Variants in SART3 observed in about 807,000 individuals in gnomAD.
The protein encoded by SART3 is HIV-1 Tat-interacting protein of 110kDa.
A neutral mutation model predicts 122.3 loss-of-function variants in SART3; 44 were observed. The observed-to-expected ratio is 0.36, with a 90% CI of 0.28 to 0.46. SART3 has a LOEUF of 0.46. SART3 is among the 20% of genes least tolerant of loss of function. The pLI is 1.00. For synonymous variants in SART3, 442 were observed against 454.0 expected (o/e 0.97, Z 0.34); for missense variants, 1,101 against 1,229.0 (o/e 0.90, Z 1.56).
At chr12:108,531,901 TGTG>T (rs1872694925) in intron 13 of SART3, 2 of 370,014 alleles carry the variant, frequency 5.4e-6, no homozygotes, top group Non-Finnish European at 1.0e-5. Flanking sequence ...CATGTTTGGT[TGTG>T]GTGGTGAAGC....
At chr12:108,551,611 A>C (rs2030013436) in intron 1 of SART3, among the ~76,000 whole-genome samples, 1 of 152,198 alleles carries the variant, frequency 6.6e-6, no homozygotes, top group African/African-American at 2.4e-5. Context: ...AACGAACATG[A>C]CCTAATTTAT....
Position 108,523,534 on chromosome 12 carries a change from C to G in SART3, c.2815G>C (p.Ala939Pro). The change falls in exon 19 of 19, where the codon GCA becomes CCA. Residue 939 changes from alanine to proline, a missense_variant. Ala to Pro is a conservative substitution (Grantham distance 27). This residue lies in a region of SART3 where 885 missense variants were observed against 1,080.1 expected (regional missense o/e 0.82). Transcript: ENST00000546815. ...TCGGTGGCTGCTGGGGCGGCAACTG[C>G]AGGAGCCGCGGCAGGGCCGTTCTCA... Reference protein sequence around the residue: ...QAENGPAAAPAVAAPAATEAP... With the variant: ...QAENGPAAAPPVAAPAATEAP... 1 of 1,613,826 alleles carries G rather than the reference C, an allele frequency of 6.2e-7. No individual in the cohort carries two copies.
chr12:108,535,513 G>A lies in SART3; in HGVS notation c.1447-45C>T, dbSNP rs372546183. On this transcript the variant is annotated intron_variant, in intron 11 of 18. Coordinates refer to ENST00000546815, the MANE Select transcript of SART3 (RefSeq NM_014706.4). ...TGTTAGGAGACCTGAACCTTATGACGTCGACACCCATCATACAACACACTT... is the reference window on the plus strand; with the variant it reads ...TGTTAGGAGACCTGAACCTTATGACATCGACACCCATCATACAACACACTT... 3.5e-5 allele frequency: 51 copies of A among 1,448,426 alleles called. No individual in the cohort carries two copies. The African/African-American group carries it at 3.6e-4, about 10-fold the overall frequency. The allele number at this position is 1,448,426 out of a possible 1,614,324, so 89.7% of individuals were successfully genotyped here.
intron 1 of SART3, among the ~76,000 whole-genome samples, chr12:108,555,200 TTA>T (rs1247862480): frequency 6.6e-6 from 1 of 152,238 alleles, no homozygotes; most frequent in Admixed American, 6.5e-5. Context: ...AAAGTTTACG[TTA>T]TATGTTTTTT....
intron 1 of SART3, among the ~76,000 whole-genome samples, chr12:108,559,381 G>A (rs2030371062): frequency 6.6e-6 from 1 of 152,096 alleles, no homozygotes; most frequent in Non-Finnish European, 1.5e-5. Context: ...AAAAGAGAAT[G>A]CGGGCCGGGC....
At chr12:108,546,707 A>G (rs1248945498) in intron 3 of SART3, among the ~76,000 whole-genome samples, 1 of 151,598 alleles carries the variant, frequency 6.6e-6, no homozygotes, top group African/African-American at 2.4e-5. Flanking sequence ...TTTAGTGGAG[A>G]TGGGGTTTTC....
At chr12:108,536,107 ATC>A (rs1872891748) in intron 11 of SART3, among the ~76,000 whole-genome samples, 1 of 152,360 alleles carries the variant, frequency 6.6e-6, no homozygotes, top group Non-Finnish European at 1.5e-5. Flanking sequence ...TTGTCAAATC[ATC>A]TGTCTTCTAC....
intron 1 of SART3, among the ~76,000 whole-genome samples, chr12:108,557,596 A>G (rs527788777): frequency 4.6e-5 from 7 of 152,178 alleles, no homozygotes; most frequent in Non-Finnish European, 5.9e-5. Context: ...CATGCCCCAC[A>G]ACAGTCCCAT....
At position 108,560,993 on chromosome 12, in the gene SART3, C is replaced by A; in HGVS notation, c.162G>T (p.Ala54=). Residue 54 remains alanine (A), a synonymous_variant, in exon 1 of 19, where the codon GCG becomes GCT. Transcript: ENST00000546815. The stretch of plus-strand genomic sequence containing the variant: ...TCACGCCTTCCTCCTGCTGATCCCA[C>A]GCTGGCCCCATGGTCTTGTATGTCG... ...AAATYKTMGP[A]WDQQEEGVSE... is the part of the protein sequence containing the mutation. 1 of 1,614,206 alleles carries A rather than the reference C, an allele frequency of 6.2e-7. No homozygotes were observed. Among genetic ancestry groups the A allele is most frequent in the Non-Finnish European group, 8.5e-7 (1 of 1,180,028 alleles).
intron 1 of SART3, among the ~76,000 whole-genome samples, chr12:108,549,649 A>C (rs1212050750): frequency 1.3e-5 from 2 of 152,238 alleles, no homozygotes; most frequent in African/African-American, 4.8e-5. Context: ...AAACTAAAAA[A>C]TAAAAAGGTA....
intron 7 of SART3, 121 bp from the exon 8 acceptor site, chr12:108,538,324 G>A (rs7978765): frequency 0.82 from 950,935 of 1,159,694 alleles, 394,698 homozygotes; most frequent in East Asian, 0.93. Context: ...CTTGTGACCT[G>A]GTTTCCTCAA....
At chr12:108,525,736 T>C (rs1872343577) in intron 16 of SART3, 127 bp from the exon 17 acceptor site, 2 of 983,646 alleles carry the variant, frequency 2.0e-6, no homozygotes, top group African/African-American at 3.1e-5. Flanking sequence ...AGCCATGCTC[T>C]GAAACTTGTT....
Position 108,531,292 on chromosome 12 carries a change from GA to G in SART3, c.1670-13del, listed in dbSNP as rs762809031. 1.2e-6 allele frequency: 2 copies of G among 1,609,092 alleles called. No individual in the cohort carries two copies. The highest frequency in any genetic ancestry group is 8.5e-7 in the Non-Finnish European group (1 of 1,175,582). On this transcript the variant is annotated splice_polypyrimidine_tract_variant and intron_variant, in intron 13 of 18. Coordinates refer to ENST00000546815, the MANE Select transcript of SART3 (RefSeq NM_014706.4). ...ATCTTCTAAAGAACCTTGAAAGAAA[GA>G]GAAGCAAAACTTTCACTCTTTAGGA...
At position 108,545,319 on chromosome 12, in the gene SART3, A is replaced by G. The variant is rs759403504; in HGVS notation, c.549T>C (p.Pro183=). The part of the protein sequence containing the change: ...FEKAVKDYIC[P]NIWLEYGQYS... ...ACTGGCCATACTCTAGCCAAATGTT[A>G]GGACCTAAAAATAAGAAGTGTTCAA... The change falls in exon 4 of 19, where the codon CCT becomes CCC. Residue 183 remains proline (P), a synonymous_variant. Transcript: ENST00000546815. The G allele has an allele frequency of 6.2e-7, 1 of 1,614,174 alleles. No individual in the cohort carries two copies. Among genetic ancestry groups the G allele is most frequent in the Non-Finnish European group, 8.5e-7 (1 of 1,179,968 alleles).
rs187532263 is a variant in SART3, at chr12:108,522,384, C to T, written c.*1073G>A. On this transcript the variant is annotated 3_prime_UTR_variant, in exon 19 of 19. Transcript: ENST00000546815. Reference sequence around the variant, plus strand: ...CACGACATATACAAGGATTCCCTGACGTCTTTCTCCAGAGTGTCTTAATAA... The same window carrying T: ...CACGACATATACAAGGATTCCCTGATGTCTTTCTCCAGAGTGTCTTAATAA... Among the ~76,000 whole-genome samples the T allele has an allele frequency of 1.3e-5, 2 of 152,346 alleles. No individual in the cohort carries two copies. The highest frequency in any genetic ancestry group is 1.9e-4 in the East Asian group (1 of 5,192).
At chr12:108,524,272 C>A in intron 18 of SART3, 44 bp downstream of exon 18, 1 of 1,538,378 alleles carries the variant, frequency 6.5e-7, no homozygotes, top group South Asian at 1.1e-5. Flanking sequence ...GAACTGGTGC[C>A]AGCCAGGACG....
chr12:108,552,499 T>A (rs1592775055), intron 1 of SART3, among the ~76,000 whole-genome samples: 4 of 138,110 alleles, frequency 2.9e-5, no homozygotes, highest in Admixed American at 7.1e-5. Context: ...CCAAAAATAG[T>A]GAACTGAGCA....
At chr12:108,533,511 TG>T (rs1872776310) in intron 12 of SART3, among the ~76,000 whole-genome samples, 1 of 152,112 alleles carries the variant, frequency 6.6e-6, no homozygotes, top group Non-Finnish European at 1.5e-5. Flanking sequence ...TACTCAGACC[TG>T]GGTATTTGGC....
intron 15 of SART3, among the ~76,000 whole-genome samples, chr12:108,527,639 C>T (rs1312880846): frequency 6.6e-6 from 1 of 152,230 alleles, no homozygotes; most frequent in Non-Finnish European, 1.5e-5. Flanking sequence ...TTTAGGAAAG[C>T]CCAAACAAGG....
Sources: allele counts gnomAD v4.1 joint callset (sites outside exome capture counted in the v4.1 genomes callset), GRCh38; gene constraint gnomAD v4.1.1; regional missense constraint gnomAD v4.1.1; transcripts MANE v1.5; gene names NCBI Gene and HGNC (gene_info 2026-07-23, HGNC 2026-07-21).